The following DNMT1 variants were observed in gnomAD, a reference collection of about 807,000 sequenced individuals.
DNMT1 encodes DNA (cytosine-5)-methyltransferase 1.
A neutral mutation model predicts 205.3 loss-of-function variants in DNMT1; 24 were observed. The observed-to-expected ratio is 0.12, with a 90% confidence interval of 0.08 to 0.16. The LOEUF is 0.16. Ranked by LOEUF, DNMT1 falls within the 10% of genes least tolerant of loss-of-function variation. The pLI, the probability that DNMT1 is intolerant of heterozygous loss-of-function variation, is 1.00. For missense variants in DNMT1, 1,293 were observed against 2,177.7 expected (o/e 0.59, Z 8.09); for synonymous variants, 817 against 839.8 (o/e 0.97, Z 0.47).
intron 27 of DNMT1, among the ~76,000 whole-genome samples, chr19:10,147,841 C>T (rs1034892315): frequency 2.0e-5 from 3 of 151,842 alleles, no homozygotes; most frequent in East Asian, 3.9e-4. Flanking sequence ...TCGCCGGGCG[C>T]GGTGGCTCAC....
rs765333830 is a variant in DNMT1, at chr19:10,180,576, C to A, written c.226-7G>T. The A allele has an allele frequency of 1.3e-5, 21 of 1,613,718 alleles. No individual in the cohort carries two copies. Among genetic ancestry groups the A allele is most frequent in the Middle Eastern group, 3.3e-4 (2 of 6,062 alleles). On this transcript the variant is annotated splice_region_variant and splice_polypyrimidine_tract_variant and intron_variant, in intron 3 of 40. Coordinates refer to ENST00000359526, the MANE Select transcript of DNMT1 (RefSeq NM_001130823.3). ...CTTTAGCCAGGTAGCCCTCCTACAG[C>A]AGGAAAGGATAATTTAAGTAGCAGT... is the stretch of plus-strand genomic sequence containing the variant.
chr19:10,156,285 G>T lies in DNMT1; in HGVS notation c.1399+106C>A. On this transcript the variant is annotated intron_variant, in intron 18 of 40. Coordinates refer to ENST00000359526, the MANE Select transcript of DNMT1 (RefSeq NM_001130823.3). The surrounding 1 kb of genome is among the most constrained non-coding windows in gnomAD (Gnocchi z 4.2). ...TCGTCTCAAACTCCCGGGCTCAAGT[G>T]ATCCTCTGGCCTCAGACCCCCAAAG... The T allele has an allele frequency of 2.2e-6, 2 of 902,710 alleles. No individual in the cohort carries two copies. The highest frequency in any genetic ancestry group is 3.7e-6 in the Non-Finnish European group (2 of 545,802). The allele number at this position is 902,710 out of a possible 1,614,324, so 55.9% of individuals were successfully genotyped here. A position where few individuals can be genotyped will look rare whatever the true frequency, so the allele number is the denominator to read the frequency against.
Position 10,134,206 on chromosome 19 carries a change from C to T in DNMT1, c.4864+11G>A, listed in dbSNP as rs771425791. ...CAGGCCCCAGAGGAAGCCTGGCCCA[C>T]CCCACCATACCTGAGGCACTCTCTC... is the stretch of plus-strand genomic sequence containing the variant. On this transcript the variant is annotated intron_variant, in intron 40 of 40. Coordinates refer to ENST00000359526, the MANE Select transcript of DNMT1 (RefSeq NM_001130823.3). 9 of 1,614,152 alleles carry T rather than the reference C, an allele frequency of 5.6e-6. No homozygotes were observed. In the South Asian group the frequency reaches 9.9e-5, roughly 18 times the overall value.
At chr19:10,192,559 G>A (rs977322285) in intron 1 of DNMT1, among the ~76,000 whole-genome samples, 10 of 151,766 alleles carry the variant, frequency 6.6e-5, no homozygotes, top group Non-Finnish European at 1.3e-4. Context: ...GCCAGGAATC[G>A]AAGACCAGCC....
intron 29 of DNMT1, chr19:10,142,780 G>GC (rs2089627714): frequency 6.1e-6 from 1 of 163,100 alleles, no homozygotes. Context: ...AGGTAGATTC[G>GC]CCCCCAATTA....
At chr19:10,139,569 A>G in intron 34 of DNMT1, 107 bp downstream of exon 34, 1 of 1,522,564 alleles carries the variant, frequency 6.6e-7, no homozygotes, top group Non-Finnish European at 8.8e-7. Flanking sequence ...TGCTGCCTGG[A>G]TGGCAGGCCT....
rs73922338 is a variant in DNMT1, at chr19:10,184,796, T to G, written c.81-2719A>C. Among the ~76,000 whole-genome samples the G allele has an allele frequency of 4.9e-3, 753 of 152,268 alleles. 5 individuals carry two copies. Among genetic ancestry groups the G allele is most frequent in the African/African-American group, 0.017 (708 of 41,570 alleles). On this transcript the variant is annotated intron_variant, in intron 1 of 40. Transcript: ENST00000359526. ...TAAGTGTCTGTTGGTGGAGAGAAGG[T>G]GCCCCAGGCAGGGACCAGGCCACTG...
At chr19:10,158,316 C>A (rs986109941) in intron 17 of DNMT1, among the ~76,000 whole-genome samples, 1 of 152,172 alleles carries the variant, frequency 6.6e-6, no homozygotes, top group African/African-American at 2.4e-5. Context: ...GTGGACGCAA[C>A]AGCATCTTGA....
chr19:10,149,306 C>T, intron 26 of DNMT1, 147 bp downstream of exon 26: 3 of 1,067,184 alleles, frequency 2.8e-6, no homozygotes, highest in East Asian at 2.5e-5. Context: ...GCCTGGGCAA[C>T]AAGAGCGAAA....
At chr19:10,193,075 T>G (rs1335891300) in intron 1 of DNMT1, among the ~76,000 whole-genome samples, 2 of 152,082 alleles carry the variant, frequency 1.3e-5, no homozygotes, top group African/African-American at 4.8e-5. Context: ...AAGTAGTAGT[T>G]AAGGCATGAT....
intron 11 of DNMT1, among the ~76,000 whole-genome samples, 161 bp from the exon 12 acceptor site, chr19:10,163,521 C>G (rs1010936971): frequency 2.0e-5 from 3 of 152,132 alleles, no homozygotes; most frequent in East Asian, 1.9e-4. Context: ...CGGGTAGACA[C>G]GAGGCTTCAC....
chr19:10,194,933 G>T lies in DNMT1; in HGVS notation c.-34C>A, dbSNP rs112908248. The stretch of plus-strand genomic sequence containing the variant: ...CTTCAGCAGACGCGGCGGCGGCAGC[G>T]CAGGCGCCCCGGCTTTTCGCGCGGA... On this transcript the variant is annotated 5_prime_UTR_variant, in exon 1 of 41. Coordinates refer to ENST00000359526, the MANE Select transcript of DNMT1 (RefSeq NM_001130823.3). The T allele has an allele frequency of 1.9e-6, 3 of 1,588,082 alleles. No homozygotes were observed. The highest frequency in any genetic ancestry group is 1.7e-6 in the Non-Finnish European group (2 of 1,167,648).
chr19:10,156,467 G>A lies in DNMT1; in HGVS notation c.1323C>T (p.Gly441=). Residue 441 remains glycine, a synonymous_variant, in exon 18 of 41, where the codon GGC becomes GGT. Coordinates refer to ENST00000359526, the MANE Select transcript of DNMT1 (RefSeq NM_001130823.3). This position sits in a 1 kb window ranked among gnomAD's most constrained non-coding sequence, Gnocchi z 4.2. ...AGAGTTCGATATTCTTCTCGATGAG[G>A]CCGGTGTCGATGGGACACAGGTGAC... ...KHGHLCPIDT[G]LIEKNIELFF... 6.2e-7 allele frequency: 1 copy of A among 1,613,474 alleles called. No homozygotes were observed. Among genetic ancestry groups the A allele is most frequent in the Non-Finnish European group, 8.5e-7 (1 of 1,179,582 alleles).
chr19:10,137,376 A>G lies in DNMT1; in HGVS notation c.4294-96T>C. On this transcript the variant is annotated intron_variant, in intron 36 of 40. Coordinates refer to ENST00000359526, the MANE Select transcript of DNMT1 (RefSeq NM_001130823.3). The surrounding 1 kb of genome is among the most constrained non-coding windows in gnomAD (Gnocchi z 6.4). ...GCTGGGAACACCATGGTGACCAGGA[A>G]GCCCCCTGGGGCTCACGCCCATCGG... 1 of 1,454,462 alleles carries G rather than the reference A, an allele frequency of 6.9e-7. No homozygotes were observed. Among genetic ancestry groups the G allele is most frequent in the Non-Finnish European group, 9.3e-7 (1 of 1,073,996 alleles). The allele number at this position is 1,454,462 out of a possible 1,614,324, so 90.1% of individuals were successfully genotyped here.
At position 10,133,812 on chromosome 19, in the gene DNMT1, A is replaced by G; in HGVS notation, c.4865-111T>C. ...CAGGAAACATTAACGTACTGATGTTAACAGCTGACCCAATAAGTGGCAGAG... is the reference window on the plus strand; with the variant it reads ...CAGGAAACATTAACGTACTGATGTTGACAGCTGACCCAATAAGTGGCAGAG... On this transcript the variant is annotated intron_variant, in intron 40 of 40. Transcript: ENST00000359526. The surrounding 1 kb of genome is among the most constrained non-coding windows in gnomAD (Gnocchi z 4.1). The G allele has an allele frequency of 8.5e-7, 1 of 1,180,646 alleles. No homozygotes were observed. Among genetic ancestry groups the G allele is most frequent in the Non-Finnish European group, 1.2e-6 (1 of 809,878 alleles). 73.1% of individuals were successfully genotyped at this position (1,180,646 alleles called of 1,614,324 possible). A position where few individuals can be genotyped will look rare whatever the true frequency, so the allele number is the denominator to read the frequency against.
rs2038524583 is a variant in DNMT1, at chr19:10,159,587, G to GT, written c.1280+70dup. 1.4e-6 allele frequency: 2 copies of GT among 1,478,268 alleles called. No homozygotes were observed. The highest frequency in any genetic ancestry group is 2.8e-5 in the African/African-American group (2 of 72,260). The allele number at this position is 1,478,268 out of a possible 1,614,324, so 91.6% of individuals were successfully genotyped here. ...GGCACTAAAAAACATCACCAGAATC[G>GT]TGAGCCCGCAGGCACCTCTGGGGAT... On this transcript the variant is annotated intron_variant, in intron 17 of 40. Coordinates refer to ENST00000359526, the MANE Select transcript of DNMT1 (RefSeq NM_001130823.3). The surrounding 1 kb of genome is among the most constrained non-coding windows in gnomAD (Gnocchi z 5.0).
chr19:10,166,266 G>T (rs1328407478), intron 11 of DNMT1, among the ~76,000 whole-genome samples: 3 of 152,158 alleles, frequency 2.0e-5, no homozygotes, highest in Non-Finnish European at 4.4e-5. Context: ...TGACATGTGC[G>T]TCAGAGCTGA....
chr19:10,142,203 T>C lies in DNMT1; in HGVS notation c.3134A>G (p.Lys1045Arg). The C allele has an allele frequency of 6.2e-7, 1 of 1,614,026 alleles. No individual in the cohort carries two copies. ...TGCGTGGTAGCTCGCTGGAGTGGAC[T>C]TGTGGGTGTTCTCAGGCCTGCGAGC... ...NKFYRPENTH[K>R]STPASYHADI... The change falls in exon 30 of 41, where the codon AAG becomes AGG. Residue 1045 changes from lysine to arginine, a missense_variant. Physicochemically the swap from Lys to Arg is conservative, Grantham distance 26. Transcript: ENST00000359526.
At chr19:10,170,264 G>GA (rs1180084803) in intron 9 of DNMT1, among the ~76,000 whole-genome samples, 1 of 151,930 alleles carries the variant, frequency 6.6e-6, no homozygotes, top group Non-Finnish European at 1.5e-5. Context: ...CAGCCTGAGC[G>GA]AAAGAGCAAA....
Sources: gnomAD v4.1 joint callset for allele counts (sites outside exome capture counted in the v4.1 genomes callset) on GRCh38, gnomAD v4.1.1 for gene constraint, Gnocchi (gnomAD v3.1) non-coding constraint, MANE v1.5 for transcripts, NCBI Gene and HGNC (gene_info 2026-07-23, HGNC 2026-07-21) for gene names.